The following DPP8 variants were observed in gnomAD, a reference collection of about 807,000 sequenced individuals.
The protein encoded by DPP8 is dipeptidyl peptidase 8, also known as DPP VIII.
Under a neutral mutation model 107.5 loss-of-function variants are expected in DPP8, and 31 were observed. The observed-to-expected ratio is 0.29, with a 90% CI of 0.22 to 0.39. The LOEUF (loss-of-function observed/expected upper bound fraction) is 0.39. DPP8 is among the 10% of genes least tolerant of loss of function. The probability of loss-of-function intolerance (pLI) is 1.00; values close to 1 mark genes in which losing one functional copy is unlikely to be tolerated. For missense variants in DPP8, 842 were observed against 1,076.1 expected (o/e 0.78, Z 3.04); for synonymous variants, 381 against 356.6 (o/e 1.07, Z -0.77).
In DPP8 at chr15:65,480,291, G is replaced by A; in HGVS notation, c.1227C>T (p.Leu409=). ...VEDDVMERQR[L]IESVPDSVTP... ...TCACAGAATCAGGCACTGACTCAAT[G>A]AGTCTCTGCCTTTCCATAACATCAT... The change falls in exon 10 of 20, where the codon CTC becomes CTT. Residue 409 remains leucine (L), a synonymous_variant. Transcript: ENST00000300141. 2 of 1,613,888 alleles carry A rather than the reference G, an allele frequency of 1.2e-6. No homozygotes were observed. The highest frequency in any genetic ancestry group is 1.7e-6 in the Non-Finnish European group (2 of 1,179,946).
Position 65,507,487 on chromosome 15 carries a change from C to G in DPP8, c.260-132G>C, listed in dbSNP as rs1467515978. On this transcript the variant is annotated intron_variant, in intron 2 of 19. Transcript: ENST00000300141. ...CTATGGGATATATAATGAATGTTAA[C>G]AAGTAGAATGTGCTTATGCCATATG... is the stretch of plus-strand genomic sequence containing the variant. The G allele has an allele frequency of 2.2e-5, 12 of 550,476 alleles. 1 individual carries two copies. In the South Asian group the frequency reaches 2.9e-4, roughly 13 times the overall value. The allele number at this position is 550,476 out of a possible 1,614,324, so 34.1% of individuals were successfully genotyped here.
At chr15:65,447,883 G>A (rs1164492041) in intron 19 of DPP8, among the ~76,000 whole-genome samples, 1 of 152,082 alleles carries the variant, frequency 6.6e-6, no homozygotes, top group Non-Finnish European at 1.5e-5. Context: ...ACACTTTTCC[G>A]ATGAGCTCAG....
intron 5 of DPP8, among the ~76,000 whole-genome samples, chr15:65,491,968 G>A (rs1456878555): frequency 3.3e-5 from 5 of 151,960 alleles, no homozygotes; most frequent in Admixed American, 6.6e-5. Flanking sequence ...TCCTGACCTC[G>A]TGATCCACCC....
intron 19 of DPP8, among the ~76,000 whole-genome samples, chr15:65,448,891 TATATATATA>T (rs1415618756): frequency 1.4e-4 from 10 of 73,830 alleles, no homozygotes; most frequent in African/African-American, 5.6e-4. Context: ...TATATATATA[TATATATATA>T]TATATATATA....
intron 15 of DPP8, among the ~76,000 whole-genome samples, chr15:65,460,984 T>A (rs986538800): frequency 6.6e-6 from 1 of 152,218 alleles, no homozygotes; most frequent in African/African-American, 2.4e-5. Context: ...CTACATCTTG[T>A]ACAGCACTTA....
intron 19 of DPP8, among the ~76,000 whole-genome samples, chr15:65,448,357 C>T (rs926360427): frequency 9.2e-5 from 14 of 151,878 alleles, no homozygotes; most frequent in Admixed American, 9.2e-4. Flanking sequence ...AACTTAGTGA[C>T]ACCCATCTCT....
At chr15:65,484,456 T>C (rs2067217315) in intron 8 of DPP8, among the ~76,000 whole-genome samples, 1 of 151,924 alleles carries the variant, frequency 6.6e-6, no homozygotes, top group Non-Finnish European at 1.5e-5. Context: ...GTTGCAAAAC[T>C]CTGTGAATAT....
chr15:65,482,406 C>G lies in DPP8; in HGVS notation c.1018-791G>C, dbSNP rs941095968. 9.2e-5 allele frequency among the ~76,000 whole-genome samples: 14 copies of G among 151,814 alleles called. No individual in the cohort carries two copies. In the East Asian group the frequency reaches 2.7e-3, roughly 30 times the overall value. On this transcript the variant is annotated intron_variant, in intron 8 of 19. Transcript: ENST00000300141. ...AAGTGATTCTCCTGCCTCAGCCTCC[C>G]GAGTAGCTGGGATTATGGGTATATA...
chr15:65,498,476 C>T (rs1346212844), intron 4 of DPP8, among the ~76,000 whole-genome samples: 2 of 151,288 alleles, frequency 1.3e-5, no homozygotes, highest in African/African-American at 2.4e-5. Flanking sequence ...AATATACTTT[C>T]TATTGCCTTA....
At position 65,474,967 on chromosome 15, in the gene DPP8, G is replaced by C. The variant is rs867829778; in HGVS notation, c.1457-679C>G. On this transcript the variant is annotated intron_variant, in intron 11 of 19. Coordinates refer to ENST00000300141, the MANE Select transcript of DPP8 (RefSeq NM_130434.5). ...AAAGCACCTGCATTCTTGAACCTTT[G>C]GTTAGACAAAGAAGTCTAATGGATT... is the stretch of plus-strand genomic sequence containing the variant. 2.0e-5 allele frequency among the ~76,000 whole-genome samples: 3 copies of C among 152,014 alleles called. No homozygotes were observed. The South Asian group carries it at 6.2e-4, about 32-fold the overall frequency.
chr15:65,455,476 T>C (rs2064336857), intron 16 of DPP8: 2 of 220,338 alleles, frequency 9.1e-6, no homozygotes, highest in Non-Finnish European at 1.7e-5. Context: ...GCAGAAGGAA[T>C]TGCTCTTGAG....
intron 12 of DPP8, among the ~76,000 whole-genome samples, chr15:65,472,461 T>G (rs2065973520): frequency 6.6e-6 from 1 of 151,992 alleles, no homozygotes; most frequent in African/African-American, 2.4e-5. Context: ...GCCCAGCTAA[T>G]TTTTTTATTT....
chr15:65,472,859 G>C (rs1416788952), intron 12 of DPP8, among the ~76,000 whole-genome samples: 1 of 152,060 alleles, frequency 6.6e-6, no homozygotes, highest in Non-Finnish European at 1.5e-5. Flanking sequence ...GGGCAACATG[G>C]CGGAATCCCG....
chr15:65,454,827 G>A (rs1304401806), intron 16 of DPP8, among the ~76,000 whole-genome samples: 23 of 151,296 alleles, frequency 1.5e-4, no homozygotes, highest in Admixed American at 1.3e-3. Flanking sequence ...ACCCGGCCCC[G>A]TAGGTTTTTT....
chr15:65,479,528 G>A (rs144287571), intron 10 of DPP8, among the ~76,000 whole-genome samples: 2 of 152,218 alleles, frequency 1.3e-5, no homozygotes, highest in African/African-American at 4.8e-5. Context: ...CTGCTAAATT[G>A]GAAAATTCAA....
intron 3 of DPP8, 98 bp downstream of exon 3, chr15:65,507,145 T>A (rs1043963091): frequency 2.8e-5 from 17 of 597,156 alleles, no homozygotes; most frequent in African/African-American, 2.7e-4. Context: ...TAATTTTTTT[T>A]ATTTACATCT....
rs56047613 is a variant in DPP8 at position 65,499,070 on chromosome 15, AGTGTGTGTGTGTGTGTGTGT to A, written c.547-1058_547-1039del. On this transcript the variant is annotated intron_variant, in intron 4 of 19. Coordinates refer to ENST00000300141, the MANE Select transcript of DPP8 (RefSeq NM_130434.5). ...GACTTTGTCTCCCCCCCAAAAAAAA[AGTGTGTGTGTGTGTGTGTGT>A]GTGTGTGTGTGTGTGTATATATAAA... is the stretch of plus-strand genomic sequence containing the variant. Among the ~76,000 whole-genome samples the A allele has an allele frequency of 2.0e-3, 257 of 129,762 alleles. 2 individuals are homozygous for A. The highest frequency in any genetic ancestry group is 1.5e-3 in the Non-Finnish European group (95 of 63,834). 85.1% of individuals were successfully genotyped at this position (129,762 alleles called of 152,430 possible). A position where few individuals can be genotyped will look rare whatever the true frequency, so the allele number is the denominator to read the frequency against.
Position 65,454,419 on chromosome 15 carries a change from T to C in DPP8, c.2119-4A>G. 6.3e-7 allele frequency: 1 copy of C among 1,583,440 alleles called. No individual in the cohort carries two copies. Among genetic ancestry groups the C allele is most frequent in the Non-Finnish European group, 8.6e-7 (1 of 1,169,464 alleles). On this transcript the variant is annotated splice_region_variant and splice_polypyrimidine_tract_variant and intron_variant, in intron 16 of 19. Coordinates refer to ENST00000300141, the MANE Select transcript of DPP8 (RefSeq NM_130434.5). ...GATCGTCAATTTCTATTTGACCCTGTCAAAAAAGGGAGAACATTTCACTGA... is the reference window on the plus strand; with the variant it reads ...GATCGTCAATTTCTATTTGACCCTGCCAAAAAAGGGAGAACATTTCACTGA...
At chr15:65,489,171 G>A (rs962426557) in intron 6 of DPP8, among the ~76,000 whole-genome samples, 17 of 152,050 alleles carry the variant, frequency 1.1e-4, no homozygotes, top group African/African-American at 3.9e-4. Context: ...ATGTTGGCCA[G>A]GATAGTCTCG....
Sources: allele counts gnomAD v4.1 joint callset (sites outside exome capture counted in the v4.1 genomes callset), GRCh38; gene constraint gnomAD v4.1.1; transcripts MANE v1.5; gene names NCBI Gene and HGNC (gene_info 2026-07-23, HGNC 2026-07-21).